Variants in CTNNA1 observed in about 807,000 individuals in gnomAD.
The protein encoded by CTNNA1 is catenin alpha-1.
A neutral mutation model predicts 98.4 loss-of-function variants in CTNNA1; 37 were observed. That is an observed-to-expected ratio of 0.38 (90% CI 0.29 to 0.49). CTNNA1 has a LOEUF of 0.49. CTNNA1 is among the 20% of genes least tolerant of loss of function. The probability of loss-of-function intolerance (pLI) is 0.95; values close to 1 mark genes in which losing one functional copy is unlikely to be tolerated. For missense variants in CTNNA1, 761 were observed against 1,147.2 expected, an observed-to-expected ratio of 0.66 and a Z score of 4.86; for synonymous variants, 404 against 413.2, an observed-to-expected ratio of 0.98 and a Z score of 0.27.
intron 7 of CTNNA1, among the ~76,000 whole-genome samples, chr5:138,839,711 C>T (rs1762112984): frequency 6.6e-6 from 1 of 152,160 alleles, no homozygotes; most frequent in South Asian, 2.1e-4. Context: ...GTGTTCTGCT[C>T]AGGATCTTTA....
chr5:138,886,066 A>C lies in CTNNA1; in HGVS notation c.1063-146A>C, dbSNP rs371149277. On this transcript the variant is annotated intron_variant, in intron 7 of 17. Transcript: ENST00000302763. ...GTTTTTATGAATAAAGCCACATAAC[A>C]CCCCTCTGCTCCCCAGTATTTTCCA... 158 of 727,986 alleles carry C rather than the reference A, an allele frequency of 2.2e-4. 2 individuals are homozygous for C. The South Asian group carries it at 3.3e-3, about 15-fold the overall frequency. 45.1% of individuals were successfully genotyped at this position (727,986 alleles called of 1,614,324 possible).
intron 7 of CTNNA1, among the ~76,000 whole-genome samples, chr5:138,859,582 A>G (rs1362584278): frequency 1.3e-5 from 2 of 152,216 alleles, no homozygotes; most frequent in African/African-American, 4.8e-5. Context: ...GTTCCACTTA[A>G]TAGTCTTCTT....
chr5:138,817,364 C>T (rs1759537870), intron 5 of CTNNA1, among the ~76,000 whole-genome samples: 1 of 152,134 alleles, frequency 6.6e-6, no homozygotes, highest in Non-Finnish European at 1.5e-5. Context: ...CTATAATGTG[C>T]CTTGGGTGTA....
intron 3 of CTNNA1, among the ~76,000 whole-genome samples, chr5:138,806,597 C>A (rs1758106021): frequency 6.6e-6 from 1 of 152,014 alleles, no homozygotes; most frequent in Non-Finnish European, 1.5e-5. Context: ...ATAGGTTAAT[C>A]CTCTTTACTT....
chr5:138,778,290 G>A lies in CTNNA1; in HGVS notation c.-2-3633G>A, dbSNP rs545891734. 2.7e-4 allele frequency among the ~76,000 whole-genome samples: 41 copies of A among 152,210 alleles called. 1 individual carries two copies. The South Asian group carries it at 3.5e-3, about 13-fold the overall frequency. ...ATTACAGACGTGAGCCTCCGCGCCC[G>A]GCTGCTTTGACATTTTTCAAGACTA... On this transcript the variant is annotated intron_variant, in intron 1 of 17. Coordinates refer to ENST00000302763, the MANE Select transcript of CTNNA1 (RefSeq NM_001903.5).
chr5:138,825,482 G>GTTTTTTTTTTTTTTTTT (rs756586452), intron 6 of CTNNA1, among the ~76,000 whole-genome samples: 2,185 of 74,022 alleles, frequency 0.03, 536 homozygotes, highest in East Asian at 0.06. Flanking sequence ...AGCAGTATAA[G>GTTTTTTTTTTTTTTTTT]TTTTTTTTTT....
chr5:138,777,888 A>G lies in CTNNA1; in HGVS notation c.-2-4035A>G, dbSNP rs866109392. 1.9e-3 allele frequency among the ~76,000 whole-genome samples: 58 copies of G among 30,908 alleles called. 1 individual carries two copies. The highest frequency in any genetic ancestry group is 2.4e-3 in the African/African-American group (21 of 8,706). 20.3% of individuals were successfully genotyped at this position (30,908 alleles called of 152,430 possible). On this transcript the variant is annotated intron_variant, in intron 1 of 17. Transcript: ENST00000302763. ...GGAGACCGTGGGGAGAGGGAGAGGG[A>G]GAGGAGGGAGAGGGAGAGGAGGGAG...
At chr5:138,915,402 A>G (rs930344383) in intron 10 of CTNNA1, among the ~76,000 whole-genome samples, 7 of 152,234 alleles carry the variant, frequency 4.6e-5, no homozygotes, top group African/African-American at 1.7e-4. Flanking sequence ...TAGCATGGCT[A>G]GAATTAACCA....
chr5:138,794,368 A>G (rs1015846111), intron 3 of CTNNA1, among the ~76,000 whole-genome samples: 1 of 152,168 alleles, frequency 6.6e-6, no homozygotes, highest in African/African-American at 2.4e-5. Context: ...AAAAACAAAA[A>G]AACAACTGCA....
intron 11 of CTNNA1, among the ~76,000 whole-genome samples, chr5:138,924,076 G>A (rs1763463740): frequency 6.6e-6 from 1 of 152,222 alleles, no homozygotes; most frequent in Non-Finnish European, 1.5e-5. Flanking sequence ...AATATCATCA[G>A]CATCTCCTGG....
At chr5:138,868,001 C>T (rs1764960203) in intron 7 of CTNNA1, among the ~76,000 whole-genome samples, 2 of 152,206 alleles carry the variant, frequency 1.3e-5, no homozygotes, top group African/African-American at 4.8e-5. Flanking sequence ...ATCCACCCAC[C>T]TCAGCCTCCC....
In CTNNA1 at chr5:138,874,757, A is replaced by G. The variant is rs897621408; in HGVS notation, c.1063-11455A>G. On this transcript the variant is annotated intron_variant, in intron 7 of 17. Transcript: ENST00000302763. This position sits in a 1 kb window ranked among gnomAD's most constrained non-coding sequence, Gnocchi z 4.1. ...AAGCCATTTAAAAAGAAGATAAAAC[A>G]TGTCTCTGTCATCATCGATATATGC... The G allele has an allele frequency of 7.7e-6, 6 of 775,274 alleles. No individual in the cohort carries two copies. The highest frequency in any genetic ancestry group is 6.9e-5 in the African/African-American group (4 of 57,666). 48.0% of individuals were successfully genotyped at this position (775,274 alleles called of 1,614,324 possible). A position where few individuals can be genotyped will look rare whatever the true frequency, so the allele number is the denominator to read the frequency against.
intron 10 of CTNNA1, among the ~76,000 whole-genome samples, chr5:138,908,717 T>C (rs1209679069): frequency 6.6e-6 from 1 of 152,084 alleles, no homozygotes; most frequent in Non-Finnish European, 1.5e-5. Flanking sequence ...TAAAAGTGGC[T>C]ATATTTTGTT....
intron 10 of CTNNA1, among the ~76,000 whole-genome samples, chr5:138,908,415 C>T (rs1759764522): frequency 6.6e-6 from 1 of 152,128 alleles, no homozygotes. Context: ...CATCTGTAAT[C>T]CCAGCATTTT....
intron 3 of CTNNA1, among the ~76,000 whole-genome samples, chr5:138,784,221 G>T (rs1386444595): frequency 6.6e-6 from 1 of 152,158 alleles, no homozygotes; most frequent in Non-Finnish European, 1.5e-5. Context: ...CTGTAGTTGT[G>T]TGTTAGGTTT....
intron 7 of CTNNA1, among the ~76,000 whole-genome samples, chr5:138,866,642 C>T (rs1423158970): frequency 6.6e-6 from 1 of 152,098 alleles, no homozygotes; most frequent in Non-Finnish European, 1.5e-5. Context: ...GCTCTTCAGC[C>T]TCCATATATA....
intron 11 of CTNNA1, among the ~76,000 whole-genome samples, chr5:138,924,297 A>T (rs372936767): frequency 1.4e-3 from 143 of 102,738 alleles, no homozygotes; most frequent in African/African-American, 6.1e-3. Flanking sequence ...TTTTTTTTTA[A>T]AAACCTGGAA....
chr5:138,874,570 T>C lies in CTNNA1; in HGVS notation c.1063-11642T>C. On this transcript the variant is annotated intron_variant, in intron 7 of 17. Transcript: ENST00000302763. This position sits in a 1 kb window ranked among gnomAD's most constrained non-coding sequence, Gnocchi z 4.1. Reference sequence around the variant, plus strand: ...TGAAATGTAAGCCTGCAGAATATAATTTAAGGAAAACAAGAAGATAGGATA... The same window carrying C: ...TGAAATGTAAGCCTGCAGAATATAACTTAAGGAAAACAAGAAGATAGGATA... 1 of 1,468,448 alleles carries C rather than the reference T, an allele frequency of 6.8e-7. No individual in the cohort carries two copies. Among genetic ancestry groups the C allele is most frequent in the Non-Finnish European group, 9.2e-7 (1 of 1,091,228 alleles). 91.0% of individuals were successfully genotyped at this position (1,468,448 alleles called of 1,614,324 possible).
chr5:138,849,092 A>G lies in CTNNA1; in HGVS notation c.1062+21374A>G, dbSNP rs568118301. On this transcript the variant is annotated intron_variant, in intron 7 of 17. Transcript: ENST00000302763. ...AGCATGGCTCTGATCGTCAGTGTTC[A>G]TTCTCTGAATTGAGTTTTGTATAGG... Among the ~76,000 whole-genome samples the G allele has an allele frequency of 2.4e-3, 365 of 152,286 alleles. 1 individual carries two copies. The highest frequency in any genetic ancestry group is 8.4e-3 in the African/African-American group (348 of 41,556).
Sources: allele counts gnomAD v4.1 joint callset (sites outside exome capture counted in the v4.1 genomes callset), GRCh38; gene constraint gnomAD v4.1.1; non-coding constraint Gnocchi (gnomAD v3.1); transcripts MANE v1.5; gene names NCBI Gene and HGNC (gene_info 2026-07-23, HGNC 2026-07-21).